Variants in ZNF154 observed in about 807,000 individuals in gnomAD.
The protein encoded by ZNF154 is zinc finger protein 154, also known as zinc finger protein 154 (pHZ-92).
ZNF154 carries 6 observed loss-of-function variants against 7.5 expected under a neutral mutation model. The ratio of observed to expected loss-of-function variants is 0.80; its 90% CI spans 0.44 to 1.57. The LOEUF (loss-of-function observed/expected upper bound fraction) is 1.57, where lower values mean the gene tolerates loss of function less well. ZNF154 is among the 40% of genes most tolerant of loss of function. The probability of loss-of-function intolerance (pLI) is 0.01; values close to 1 mark genes in which losing one functional copy is unlikely to be tolerated. For missense variants in ZNF154, 485 were observed against 531.4 expected (o/e 0.91, Z 0.86); for synonymous variants, 187 against 185.9 (o/e 1.01, Z -0.05).
Position 57,699,555 on chromosome 19 carries a change from G to T in ZNF154, c.*2080C>A, listed in dbSNP as rs1985036471. 2 of 262,152 alleles carry T rather than the reference G, an allele frequency of 7.6e-6. No homozygotes were observed. The highest frequency in any genetic ancestry group is 7.8e-6 in the Non-Finnish European group (1 of 127,470). 16.2% of individuals were successfully genotyped at this position (262,152 alleles called of 1,614,324 possible). Reference sequence around the variant, plus strand: ...GAGAAGTAGTGGCCAGCCACTGGAAGTTGACAATGACCAATTGAGAGCAAT... The same window carrying T: ...GAGAAGTAGTGGCCAGCCACTGGAATTTGACAATGACCAATTGAGAGCAAT... On this transcript the variant is annotated 3_prime_UTR_variant, in exon 3 of 3. Coordinates refer to ENST00000684351, the MANE Select transcript of ZNF154 (RefSeq NM_001085384.3).
chr19:57,707,589 T>C (rs1397619904), intron 1 of ZNF154, among the ~76,000 whole-genome samples: 1 of 152,174 alleles, frequency 6.6e-6, no homozygotes, highest in Non-Finnish European at 1.5e-5. Flanking sequence ...ATGGACCCTG[T>C]TAGGACTTTG....
intron 2 of ZNF154, among the ~76,000 whole-genome samples, chr19:57,703,219 G>A (rs1985253987): frequency 9.1e-6 from 1 of 109,740 alleles, no homozygotes; most frequent in Non-Finnish European, 1.9e-5. Context: ...CGGGTGCGGT[G>A]GCTCACATCT....
intron 2 of ZNF154, among the ~76,000 whole-genome samples, chr19:57,703,558 G>A (rs1985272731): frequency 6.6e-6 from 1 of 151,034 alleles, no homozygotes; most frequent in Non-Finnish European, 1.5e-5. Context: ...CAACCATGAG[G>A]TATCACAAAG....
rs1984980703 is a variant in ZNF154 at position 57,698,250 on chromosome 19, T to C, written c.*3385A>G. ...AAATTCTAGCAAATGAAAACTAATG[T>C]ATTATAATGGAAAGTAAATCAATAG... On this transcript the variant is annotated 3_prime_UTR_variant, in exon 3 of 3. Transcript: ENST00000684351. 1 of 152,228 alleles carries C rather than the reference T, an allele frequency of 6.6e-6. No homozygotes were observed. The highest frequency in any genetic ancestry group is 2.4e-5 in the African/African-American group (1 of 41,466). 9.4% of individuals were successfully genotyped at this position (152,228 alleles called of 1,614,324 possible). A position where few individuals can be genotyped will look rare whatever the true frequency, so the allele number is the denominator to read the frequency against.
chr19:57,705,723 C>A (rs1985357789), intron 1 of ZNF154, among the ~76,000 whole-genome samples: 1 of 145,020 alleles, frequency 6.9e-6, no homozygotes, highest in Admixed American at 7.2e-5. Context: ...AACTGCACTC[C>A]AGTCTGGGCG....
At chr19:57,706,120 AC>A (rs1985379148) in intron 1 of ZNF154, among the ~76,000 whole-genome samples, 1 of 152,188 alleles carries the variant, frequency 6.6e-6, no homozygotes, top group African/African-American at 2.4e-5. Context: ...CAGATGTCAT[AC>A]TGGGCCTTAA....
In ZNF154 at chr19:57,704,897, T is replaced by TA. The variant is rs1985323660; in HGVS notation, c.115dup (p.Tyr39LeufsTer3). On this transcript the variant is annotated frameshift_variant, in exon 2 of 3. Coordinates refer to ENST00000684351, the MANE Select transcript of ZNF154 (RefSeq NM_001085384.3). LOFTEE classifies it low-confidence loss of function (END_TRUNC). ...CAAGTTCTCCAGCATCACATCACGG[T>TA]ACAGGCATCTTTGAGCCTCATCAAG... is the stretch of plus-strand genomic sequence containing the variant. 1 of 1,613,662 alleles carries TA rather than the reference T, an allele frequency of 6.2e-7. No individual in the cohort carries two copies.
chr19:57,705,548 G>T (rs1352053074), intron 1 of ZNF154, among the ~76,000 whole-genome samples: 1 of 152,154 alleles, frequency 6.6e-6, no homozygotes, highest in Non-Finnish European at 1.5e-5. Context: ...GAGGTCAGGA[G>T]TTCAAGACCA....
intron 1 of ZNF154, among the ~76,000 whole-genome samples, chr19:57,706,876 C>T (rs982384920): frequency 6.6e-6 from 1 of 152,226 alleles, no homozygotes; most frequent in Non-Finnish European, 1.5e-5. Context: ...CTCTGGGTGG[C>T]TGAGGCGGGT....
Position 57,699,524 on chromosome 19 carries a change from CT to C in ZNF154, c.*2110del. 1 of 303,980 alleles carries C rather than the reference CT, an allele frequency of 3.3e-6. No individual in the cohort carries two copies. The highest frequency in any genetic ancestry group is 3.3e-5 in the Admixed American group (1 of 29,916). 18.8% of individuals were successfully genotyped at this position (303,980 alleles called of 1,614,324 possible). A position where few individuals can be genotyped will look rare whatever the true frequency, so the allele number is the denominator to read the frequency against. ...GAAGTTTTGCAAAGGAGACAAGAGCCTTGAAGAGAAGTAGTGGCCAGCCACT... is the reference window on the plus strand; with the variant it reads ...GAAGTTTTGCAAAGGAGACAAGAGCCTGAAGAGAAGTAGTGGCCAGCCACT... On this transcript the variant is annotated 3_prime_UTR_variant, in exon 3 of 3. Transcript: ENST00000684351.
chr19:57,703,484 CAAAAAA>C (rs3062223), intron 2 of ZNF154, among the ~76,000 whole-genome samples: 2 of 75,134 alleles, frequency 2.7e-5, no homozygotes, highest in African/African-American at 5.7e-5. Flanking sequence ...GACTCCGTCT[CAAAAAA>C]AAAAAAAAAA....
chr19:57,707,113 C>CAAAAAAAA (rs1282058157), intron 1 of ZNF154, among the ~76,000 whole-genome samples: 47 of 94,228 alleles, frequency 5.0e-4, no homozygotes, highest in Non-Finnish European at 5.9e-4. Flanking sequence ...CACTCCATCT[C>CAAAAAAAA]AAAAAAAAAA....
rs1985236071 is a variant in ZNF154 at position 57,702,844 on chromosome 19, A to G, written c.161-56T>C. On this transcript the variant is annotated intron_variant, in intron 2 of 2. Coordinates refer to ENST00000684351, the MANE Select transcript of ZNF154 (RefSeq NM_001085384.3). ...CCCCACCTCTATATAATTTCTGCCT[A>G]TGATGTGTCCCCTAGGGCCCAGCCA... 4 of 1,528,994 alleles carry G rather than the reference A, an allele frequency of 2.6e-6. No individual in the cohort carries two copies. The East Asian group carries it at 6.8e-5, about 26-fold the overall frequency. 94.7% of individuals were successfully genotyped at this position (1,528,994 alleles called of 1,614,324 possible). A position where few individuals can be genotyped will look rare whatever the true frequency, so the allele number is the denominator to read the frequency against.
At position 57,709,047 on chromosome 19, in the gene ZNF154, C is replaced by T; in HGVS notation, c.-76G>A. On this transcript the variant is annotated 5_prime_UTR_variant, in exon 1 of 3. Coordinates refer to ENST00000684351, the MANE Select transcript of ZNF154 (RefSeq NM_001085384.3). Reference sequence around the variant, plus strand: ...GACCCGGGGACAGCGGTCCCTATCCCAGGCCTGACGTGGGTCCCCCAGGGC... The same window carrying T: ...GACCCGGGGACAGCGGTCCCTATCCTAGGCCTGACGTGGGTCCCCCAGGGC... The T allele has an allele frequency of 6.5e-7, 1 of 1,541,144 alleles. No homozygotes were observed. Among genetic ancestry groups the T allele is most frequent in the Middle Eastern group, 2.3e-4 (1 of 4,362 alleles).
Position 57,701,574 on chromosome 19 carries a change from G to T in ZNF154, c.*61C>A. On this transcript the variant is annotated 3_prime_UTR_variant, in exon 3 of 3. Coordinates refer to ENST00000684351, the MANE Select transcript of ZNF154 (RefSeq NM_001085384.3). ...GCTGAAGCTTTCTGACATTCACTGT[G>T]TACTCAAGGACTTTCTCCAGGGTGC... is the stretch of plus-strand genomic sequence containing the variant. 1 of 1,536,204 alleles carries T rather than the reference G, an allele frequency of 6.5e-7. No individual in the cohort carries two copies. Among genetic ancestry groups the T allele is most frequent in the Non-Finnish European group, 8.8e-7 (1 of 1,130,126 alleles).
In ZNF154 at chr19:57,699,143, A is replaced by G. The variant is rs750602519; in HGVS notation, c.*2492T>C. The G allele has an allele frequency of 6.6e-6, 1 of 151,798 alleles. No homozygotes were observed. The highest frequency in any genetic ancestry group is 1.5e-5 in the Non-Finnish European group (1 of 68,422). 9.4% of individuals were successfully genotyped at this position (151,798 alleles called of 1,614,324 possible). A position where few individuals can be genotyped will look rare whatever the true frequency, so the allele number is the denominator to read the frequency against. ...TTGTCTGTCGTCCAGGCTGGAGTGCAGTGGCGTGATCTTGGCTCACTGTGA... is the reference window on the plus strand; with the variant it reads ...TTGTCTGTCGTCCAGGCTGGAGTGCGGTGGCGTGATCTTGGCTCACTGTGA... On this transcript the variant is annotated 3_prime_UTR_variant, in exon 3 of 3. Coordinates refer to ENST00000684351, the MANE Select transcript of ZNF154 (RefSeq NM_001085384.3).
intron 1 of ZNF154, among the ~76,000 whole-genome samples, chr19:57,708,427 GTTGTAATCCCAGCTGCAGGC>G (rs1302769291): frequency 1.3e-5 from 2 of 152,070 alleles, no homozygotes; most frequent in Non-Finnish European, 2.9e-5. Flanking sequence ...TTAGCCGGAC[GTTGTAATCCCAGCTGCAGGC>G]TTGTAATCCC....
rs748597862 is a variant in ZNF154, at chr19:57,700,869, GT to G, written c.*765del. Reference sequence around the variant, plus strand: ...CCCTGTCCCTGTTGAGCTACACAATGTTTGGGATCTCCAAAAAAAGTTATTC... The same window carrying G: ...CCCTGTCCCTGTTGAGCTACACAATGTTGGGATCTCCAAAAAAAGTTATTC... On this transcript the variant is annotated 3_prime_UTR_variant, in exon 3 of 3. Coordinates refer to ENST00000684351, the MANE Select transcript of ZNF154 (RefSeq NM_001085384.3). 4 of 152,214 alleles carry G rather than the reference GT, an allele frequency of 2.6e-5. No individual in the cohort carries two copies. Among genetic ancestry groups the G allele is most frequent in the Admixed American group, 1.3e-4 (2 of 15,274 alleles). 9.4% of individuals were successfully genotyped at this position (152,214 alleles called of 1,614,324 possible). A position where few individuals can be genotyped will look rare whatever the true frequency, so the allele number is the denominator to read the frequency against.
At position 57,699,504 on chromosome 19, in the gene ZNF154, T is replaced by G; in HGVS notation, c.*2131A>C. The G allele has an allele frequency of 2.9e-6, 1 of 347,350 alleles. No homozygotes were observed. The highest frequency in any genetic ancestry group is 2.8e-5 in the Admixed American group (1 of 35,594). The allele number at this position is 347,350 out of a possible 1,614,324, so 21.5% of individuals were successfully genotyped here. Reference sequence around the variant, plus strand: ...ACAGTGCAGTGGTGGTTCAAGAAGTTTTGCAAAGGAGACAAGAGCCTTGAA... The same window carrying G: ...ACAGTGCAGTGGTGGTTCAAGAAGTGTTGCAAAGGAGACAAGAGCCTTGAA... On this transcript the variant is annotated 3_prime_UTR_variant, in exon 3 of 3. Transcript: ENST00000684351.
Sources: gnomAD v4.1 joint callset for allele counts (sites outside exome capture counted in the v4.1 genomes callset) on GRCh38, gnomAD v4.1.1 for gene constraint, MANE v1.5 for transcripts, NCBI Gene and HGNC (gene_info 2026-07-23, HGNC 2026-07-21) for gene names.